The following FAF1 variants were observed in gnomAD, a reference collection of about 807,000 sequenced individuals.
FAF1 encodes the protein Fas associated factor 1.
A neutral mutation model predicts 92.5 loss-of-function variants in FAF1; 25 were observed. The observed-to-expected ratio is 0.27, with a 90% CI of 0.20 to 0.38. FAF1 has a LOEUF of 0.38. FAF1 is among the 10% of genes least tolerant of loss of function. FAF1 has a pLI of 1.00. For missense variants in FAF1, 636 were observed against 793.3 expected (o/e 0.80, Z 2.38); for synonymous variants, 234 against 273.2 (o/e 0.86, Z 1.42).
intron 3 of FAF1, among the ~76,000 whole-genome samples, chr1:50,800,272 G>A (rs2124590563): frequency 6.6e-6 from 1 of 152,320 alleles, no homozygotes; most frequent in Non-Finnish European, 1.5e-5. Flanking sequence ...TATCCAATAT[G>A]TACTCAGAAT....
Position 50,960,073 on chromosome 1 carries a change from T to G in FAF1, c.-262A>C. On this transcript the variant is annotated 5_prime_UTR_variant, in exon 1 of 19. Transcript: ENST00000396153. The stretch of plus-strand genomic sequence containing the variant: ...CGTCGCAGCAGCCCGGACAGGAAGA[T>G]TGGTCTGGATGTGGGTCCGGTCTTA... 2.3e-5 allele frequency: 9 copies of G among 388,612 alleles called. No individual in the cohort carries two copies. Among genetic ancestry groups the G allele is most frequent in the Non-Finnish European group, 2.3e-5 (5 of 219,652 alleles). The allele number at this position is 388,612 out of a possible 1,614,324, so 24.1% of individuals were successfully genotyped here.
chr1:50,609,793 GAA>G (rs71769751), intron 8 of FAF1, among the ~76,000 whole-genome samples: 30 of 141,200 alleles, frequency 2.1e-4, no homozygotes, highest in Admixed American at 8.4e-4. Context: ...TTGAATTATG[GAA>G]AAAAAAAAAA....
rs1646160998 is a variant in FAF1, at chr1:50,441,011, A to G, written c.*429T>C. The stretch of plus-strand genomic sequence containing the variant: ...TCCCTCTGCCCCTTAAAATTAGGTG[A>G]TGAAGTAGAAATTCAGTCATGAAAA... On this transcript the variant is annotated 3_prime_UTR_variant, in exon 19 of 19. Transcript: ENST00000396153. 6.5e-6 allele frequency: 1 copy of G among 154,532 alleles called. No homozygotes were observed. Among genetic ancestry groups the G allele is most frequent in the African/African-American group, 2.4e-5 (1 of 41,566 alleles). 9.6% of individuals were successfully genotyped at this position (154,532 alleles called of 1,614,324 possible).
chr1:50,678,894 T>C (rs913086290), intron 7 of FAF1, among the ~76,000 whole-genome samples: 1 of 150,512 alleles, frequency 6.6e-6, no homozygotes, highest in South Asian at 2.1e-4. Flanking sequence ...GAGACCATCC[T>C]GGCTAACATG....
intron 8 of FAF1, among the ~76,000 whole-genome samples, chr1:50,648,240 A>T (rs985187344): frequency 2.6e-5 from 4 of 152,176 alleles, no homozygotes; most frequent in Admixed American, 6.5e-5. Flanking sequence ...CCTGGGTGAC[A>T]AGAGTGAAAC....
At chr1:50,538,766 A>G (rs1648616593) in intron 14 of FAF1, among the ~76,000 whole-genome samples, 12 of 152,092 alleles carry the variant, frequency 7.9e-5, no homozygotes, top group Admixed American at 7.9e-4. Context: ...CTTTTTAAAC[A>G]CTGTTTATGA....
intron 8 of FAF1, among the ~76,000 whole-genome samples, chr1:50,634,035 A>T (rs1191264340): frequency 2.0e-5 from 3 of 152,220 alleles, no homozygotes; most frequent in Non-Finnish European, 2.9e-5. Flanking sequence ...TTTATTTTTT[A>T]AAAACTATAT....
chr1:50,770,038 G>A (rs561602461), intron 4 of FAF1, among the ~76,000 whole-genome samples: 130 of 152,184 alleles, frequency 8.5e-4, no homozygotes, highest in African/African-American at 3.1e-3. Flanking sequence ...GTAACAAAGT[G>A]AGACTCTGTA....
chr1:50,465,452 A>C (rs1557956179), intron 18 of FAF1, among the ~76,000 whole-genome samples: 2 of 152,212 alleles, frequency 1.3e-5, no homozygotes, highest in African/African-American at 4.8e-5. Flanking sequence ...GTTAATTTGC[A>C]TCATTCATTC....
intron 4 of FAF1, among the ~76,000 whole-genome samples, chr1:50,761,898 T>C (rs2124529699): frequency 6.6e-6 from 1 of 152,240 alleles, no homozygotes; most frequent in African/African-American, 2.4e-5. Context: ...GAAGTCAAAT[T>C]GTCCCTGTTT....
chr1:50,633,096 T>C (rs1653861395), intron 8 of FAF1, among the ~76,000 whole-genome samples: 1 of 152,168 alleles, frequency 6.6e-6, no homozygotes, highest in African/African-American at 2.4e-5. Context: ...AACAACAAAA[T>C]GTTGAAGCAA....
intron 1 of FAF1, among the ~76,000 whole-genome samples, chr1:50,933,856 G>A (rs915954637): frequency 6.6e-6 from 1 of 152,192 alleles, no homozygotes; most frequent in African/African-American, 2.4e-5. Context: ...AGAGAAAAAT[G>A]AGAAGGAAGC....
intron 4 of FAF1, among the ~76,000 whole-genome samples, chr1:50,761,856 A>G (rs1419914398): frequency 1.3e-5 from 2 of 152,204 alleles, no homozygotes; most frequent in Non-Finnish European, 2.9e-5. Context: ...AGGCAGGAGA[A>G]GGAAATAATG....
rs117970346 is a variant in FAF1, at chr1:50,793,680, C to T, written c.162-5475G>A. ...CACTGGGACGTGCATTTTGCTTTCACACAGCAGGGTAGACTAATACCTTCA... is the reference window on the plus strand; with the variant it reads ...CACTGGGACGTGCATTTTGCTTTCATACAGCAGGGTAGACTAATACCTTCA... On this transcript the variant is annotated intron_variant, in intron 3 of 18. Transcript: ENST00000396153. Among the ~76,000 whole-genome samples the T allele has an allele frequency of 1.0e-3, 152 of 152,320 alleles. 3 individuals carry two copies. The East Asian group carries it at 0.025, about 25-fold the overall frequency.
chr1:50,781,455 G>A (rs888520050), intron 4 of FAF1, among the ~76,000 whole-genome samples: 8 of 152,148 alleles, frequency 5.3e-5, no homozygotes, highest in African/African-American at 1.9e-4. Flanking sequence ...TCACCAGGAA[G>A]ATATCCATAA....
chr1:50,868,903 A>G (rs186662668), intron 1 of FAF1, among the ~76,000 whole-genome samples: 285 of 152,284 alleles, frequency 1.9e-3, no homozygotes, highest in African/African-American at 6.3e-3. Flanking sequence ...AACTCTATAA[A>G]TGTCAATTAA....
intron 3 of FAF1, among the ~76,000 whole-genome samples, chr1:50,799,103 C>T (rs575560760): frequency 3.5e-4 from 54 of 152,318 alleles, no homozygotes; most frequent in African/African-American, 1.1e-3. Context: ...TGAGCTACCA[C>T]GCCCAGCTCT....
At chr1:50,628,648 C>T (rs1470091488) in intron 8 of FAF1, among the ~76,000 whole-genome samples, 1 of 152,154 alleles carries the variant, frequency 6.6e-6, no homozygotes, top group Non-Finnish European at 1.5e-5. Flanking sequence ...TGTCTCTAGA[C>T]CAATGCAACT....
rs1042916883 is a variant in FAF1, at chr1:50,452,147, A to T, written c.1870-10624T>A. On this transcript the variant is annotated intron_variant, in intron 18 of 18. Transcript: ENST00000396153. ...AATAAAGAACATAAAATGAATATAC[A>T]AAGAACGAGAACAGGCATGTTTCCC... is the stretch of plus-strand genomic sequence containing the variant. The T allele has an allele frequency of 3.0e-6, 4 of 1,349,634 alleles. No homozygotes were observed. The African/African-American group carries it at 4.4e-5, about 15-fold the overall frequency. 83.6% of individuals were successfully genotyped at this position (1,349,634 alleles called of 1,614,324 possible).
Sources: allele counts gnomAD v4.1 joint callset (sites outside exome capture counted in the v4.1 genomes callset), GRCh38; gene constraint gnomAD v4.1.1; transcripts MANE v1.5; gene names NCBI Gene and HGNC (gene_info 2026-07-23, HGNC 2026-07-21).